Variants in PDE4B observed in about 807,000 individuals in gnomAD.
The protein encoded by PDE4B is 3',5'-cyclic-AMP phosphodiesterase 4B.
A neutral mutation model predicts 82.2 loss-of-function variants in PDE4B; 20 were observed. That is an observed-to-expected ratio of 0.24 (90% CI 0.17 to 0.35). The LOEUF (loss-of-function observed/expected upper bound fraction) is 0.35. Ranked by LOEUF, PDE4B falls within the 10% of genes least tolerant of loss-of-function variation. The pLI, the probability that PDE4B is intolerant of heterozygous loss-of-function variation, is 1.00. For missense variants in PDE4B, 655 were observed against 907.2 expected (o/e 0.72, Z 3.57); for synonymous variants, 320 against 318.9 (o/e 1.00, Z -0.04).
At chr1:66,156,577 C>G (rs1422446116) in intron 3 of PDE4B, among the ~76,000 whole-genome samples, 1 of 152,034 alleles carries the variant, frequency 6.6e-6, no homozygotes, top group African/African-American at 2.4e-5. Flanking sequence ...TCCTTAGACT[C>G]CACATTCCCC....
At chr1:66,017,343 G>T (rs1323083743) in intron 3 of PDE4B, among the ~76,000 whole-genome samples, 1 of 152,094 alleles carries the variant, frequency 6.6e-6, no homozygotes, top group African/African-American at 2.4e-5. Context: ...AGTAGACCTA[G>T]CCTATAATTT....
chr1:66,316,883 T>C (rs2101881283), intron 7 of PDE4B, among the ~76,000 whole-genome samples: 1 of 152,308 alleles, frequency 6.6e-6, no homozygotes, highest in South Asian at 2.1e-4. Flanking sequence ...GGAGCTGAGT[T>C]CAGTTAAGTG....
At chr1:65,831,244 A>G (rs1041231092) in intron 1 of PDE4B, among the ~76,000 whole-genome samples, 1 of 152,162 alleles carries the variant, frequency 6.6e-6, no homozygotes, top group Non-Finnish European at 1.5e-5. Context: ...AAAATTAATG[A>G]AACCAAAAGC....
chr1:65,888,512 A>T (rs1646816726), intron 1 of PDE4B, among the ~76,000 whole-genome samples: 1 of 152,126 alleles, frequency 6.6e-6, no homozygotes, highest in South Asian at 2.1e-4. Flanking sequence ...GATTGGAATT[A>T]TATTGAATCT....
intron 3 of PDE4B, among the ~76,000 whole-genome samples, chr1:66,137,996 G>A (rs533755545): frequency 6.6e-6 from 1 of 152,230 alleles, no homozygotes; most frequent in Non-Finnish European, 1.5e-5. Flanking sequence ...GAGAACTCTT[G>A]TCTCCATATT....
chr1:66,288,923 C>A (rs892270969), intron 7 of PDE4B, among the ~76,000 whole-genome samples: 1 of 152,146 alleles, frequency 6.6e-6, no homozygotes, highest in African/African-American at 2.4e-5. Context: ...GACCAAAGCT[C>A]TGCTTTAGTT....
intron 7 of PDE4B, among the ~76,000 whole-genome samples, chr1:66,278,738 A>G (rs1656071904): frequency 6.6e-6 from 1 of 152,194 alleles, no homozygotes; most frequent in African/African-American, 2.4e-5. Flanking sequence ...GAGTAGCAGC[A>G]GCTCCTTTAT....
chr1:66,137,773 A>G (rs915392707), intron 3 of PDE4B, among the ~76,000 whole-genome samples: 2 of 152,218 alleles, frequency 1.3e-5, no homozygotes, highest in African/African-American at 2.4e-5. Context: ...TTGTAAATTT[A>G]TATATTCTTT....
intron 3 of PDE4B, among the ~76,000 whole-genome samples, chr1:66,012,279 G>T (rs377066127): frequency 2.6e-5 from 4 of 152,068 alleles, no homozygotes; most frequent in East Asian, 3.9e-4. Context: ...CTTTTAACAT[G>T]TTCTCAAATT....
chr1:65,962,455 A>G (rs1649591971), intron 3 of PDE4B, among the ~76,000 whole-genome samples: 1 of 152,036 alleles, frequency 6.6e-6, no homozygotes, highest in Non-Finnish European at 1.5e-5. Flanking sequence ...GGGACATAGG[A>G]TGTGTGTGGC....
chr1:66,163,117 C>T (rs1319599274), intron 3 of PDE4B, among the ~76,000 whole-genome samples: 4 of 152,124 alleles, frequency 2.6e-5, no homozygotes, highest in Non-Finnish European at 5.9e-5. Flanking sequence ...CTCCTTTCCC[C>T]GCCTCTTACT....
intron 3 of PDE4B, among the ~76,000 whole-genome samples, chr1:66,194,194 C>A (rs1215109281): frequency 6.6e-6 from 1 of 152,070 alleles, no homozygotes; most frequent in Non-Finnish European, 1.5e-5. Flanking sequence ...TTCCCTGAAC[C>A]TTTCTTCACA....
intron 3 of PDE4B, among the ~76,000 whole-genome samples, chr1:66,072,091 G>T (rs796325822): frequency 6.6e-6 from 1 of 152,068 alleles, no homozygotes; most frequent in East Asian, 1.9e-4. Context: ...GCCACCACAC[G>T]TACATGTACA....
At chr1:65,860,026 C>A (rs1571027952) in intron 1 of PDE4B, among the ~76,000 whole-genome samples, 1 of 151,972 alleles carries the variant, frequency 6.6e-6, no homozygotes, top group Non-Finnish European at 1.5e-5. Context: ...AATTAAAACT[C>A]TCTCTCTGTT....
intron 3 of PDE4B, among the ~76,000 whole-genome samples, chr1:66,022,164 A>C (rs531378251): frequency 9.7e-4 from 147 of 152,080 alleles, no homozygotes; most frequent in African/African-American, 2.8e-3. Flanking sequence ...ATTTTGTATC[A>C]TGAGACTTTG....
intron 3 of PDE4B, among the ~76,000 whole-genome samples, chr1:65,950,833 G>A (rs1434005429): frequency 6.6e-6 from 1 of 152,010 alleles, no homozygotes; most frequent in Non-Finnish European, 1.5e-5. Flanking sequence ...AACCAGAAAA[G>A]GGAATGTGGG....
chr1:66,354,776 G>C (rs903243119), intron 8 of PDE4B: 2 of 1,530,520 alleles, frequency 1.3e-6, no homozygotes, highest in Non-Finnish European at 1.7e-6. Context: ...TGATCCTTTC[G>C]GGATTGCTCT....
intron 3 of PDE4B, among the ~76,000 whole-genome samples, chr1:66,066,561 A>G (rs1655861064): frequency 6.6e-6 from 1 of 151,956 alleles, no homozygotes; most frequent in African/African-American, 2.4e-5. Flanking sequence ...AACATTTAGA[A>G]AAATGTAAAT....
chr1:66,114,330 A>C (rs1012306781), intron 3 of PDE4B, among the ~76,000 whole-genome samples: 2 of 152,200 alleles, frequency 1.3e-5, no homozygotes, highest in African/African-American at 4.8e-5. Context: ...CTAAGACATG[A>C]ATTCTATCTC....
Sources: gnomAD v4.1 joint callset for allele counts (sites outside exome capture counted in the v4.1 genomes callset) on GRCh38, gnomAD v4.1.1 for gene constraint, MANE v1.5 for transcripts, NCBI Gene and HGNC (gene_info 2026-07-23, HGNC 2026-07-21) for gene names.